Variants in SPECC1 observed in about 807,000 individuals in gnomAD.
SPECC1 encodes cytospin-B.
A neutral mutation model predicts 104.1 loss-of-function variants in SPECC1; 62 were observed. The observed-to-expected ratio is 0.60, with a 90% CI of 0.49 to 0.74. The LOEUF is 0.74. SPECC1 is among the 30% of genes least tolerant of loss of function. The probability of loss-of-function intolerance (pLI) is 0.00; values close to 1 mark genes in which losing one functional copy is unlikely to be tolerated. For missense variants in SPECC1, 1,306 were observed against 1,310.5 expected, an observed-to-expected ratio of 1.00 and a Z score of 0.05; for synonymous variants, 513 against 501.6, an observed-to-expected ratio of 1.02 and a Z score of -0.30.
rs1443646018 is a variant in SPECC1 at position 20,015,802 on chromosome 17, T to A, written c.-22+6378T>A. Among the ~76,000 whole-genome samples, 7 of 150,216 alleles carry A rather than the reference T, an allele frequency of 4.7e-5. No homozygotes were observed. The East Asian group carries it at 7.9e-4, about 17-fold the overall frequency. On this transcript the variant is annotated intron_variant, in intron 1 of 14. Transcript: ENST00000395527. ...GGTTTCACTGTGTTAACCAGGATGA[T>A]CTCGATCTCCTGACCTCGTGATCCG...
chr17:20,285,264 T>C (rs2040904623), intron 12 of SPECC1, among the ~76,000 whole-genome samples: 1 of 152,230 alleles, frequency 6.6e-6, no homozygotes, highest in South Asian at 2.1e-4. Flanking sequence ...CATTCCCCCG[T>C]CTGCAACTTT....
At chr17:20,212,055 T>C (rs1375390071) in intron 4 of SPECC1, among the ~76,000 whole-genome samples, 1 of 152,234 alleles carries the variant, frequency 6.6e-6, no homozygotes, top group African/African-American at 2.4e-5. Context: ...AGCTTGCCTC[T>C]GAGTTCCTAA....
intron 2 of SPECC1, among the ~76,000 whole-genome samples, chr17:20,105,836 G>A (rs1263562750): frequency 1.3e-5 from 2 of 152,166 alleles, no homozygotes; most frequent in African/African-American, 2.4e-5. Flanking sequence ...AAGGGGGCAG[G>A]GCAAGCTCTA....
At chr17:20,110,884 A>G (rs537825709) in intron 3 of SPECC1, among the ~76,000 whole-genome samples, 3 of 152,050 alleles carry the variant, frequency 2.0e-5, no homozygotes, top group African/African-American at 7.2e-5. Context: ...CTGTCTTGAT[A>G]CAGAATGCAT....
intron 3 of SPECC1, chr17:20,156,343 G>A: frequency 6.5e-6 from 8 of 1,226,736 alleles, no homozygotes; most frequent in Non-Finnish European, 8.4e-6. Flanking sequence ...GCGAGCGAAA[G>A]GCTAAGGTCC....
chr17:20,143,408 G>A (rs1482958157), intron 3 of SPECC1, among the ~76,000 whole-genome samples: 1 of 151,112 alleles, frequency 6.6e-6, no homozygotes, highest in Admixed American at 6.6e-5. Flanking sequence ...AAAAGTCCGA[G>A]CGTGGTGGCT....
chr17:20,152,582 T>C (rs946585444), intron 3 of SPECC1, among the ~76,000 whole-genome samples: 1 of 152,216 alleles, frequency 6.6e-6, no homozygotes, highest in Non-Finnish European at 1.5e-5. Flanking sequence ...CTTCTTGGCT[T>C]ATACATGCCA....
At chr17:20,032,747 T>C (rs1046643308) in intron 1 of SPECC1, among the ~76,000 whole-genome samples, 1 of 152,198 alleles carries the variant, frequency 6.6e-6, no homozygotes, top group Non-Finnish European at 1.5e-5. Context: ...CTCCAAAGTC[T>C]TTTTCTGTTA....
intron 3 of SPECC1, among the ~76,000 whole-genome samples, chr17:20,122,276 T>C (rs527326041): frequency 2.6e-5 from 4 of 152,204 alleles, no homozygotes; most frequent in Non-Finnish European, 5.9e-5. Flanking sequence ...AGCAGTGATA[T>C]GACCCAACCT....
At chr17:20,218,072 G>A (rs574140693) in intron 4 of SPECC1, among the ~76,000 whole-genome samples, 2 of 152,318 alleles carry the variant, frequency 1.3e-5, no homozygotes, top group African/African-American at 4.8e-5. Context: ...GTCAGCTTCT[G>A]TTTAATAAAG....
intron 3 of SPECC1, among the ~76,000 whole-genome samples, chr17:20,152,538 A>T: frequency 6.6e-6 from 1 of 152,244 alleles, no homozygotes; most frequent in East Asian, 1.9e-4. Context: ...GCCTGAGTTC[A>T]GAGTGCCAGC....
intron 1 of SPECC1, among the ~76,000 whole-genome samples, chr17:20,077,761 C>G (rs945877456): frequency 7.2e-5 from 11 of 152,126 alleles, no homozygotes; most frequent in Non-Finnish European, 1.0e-4. Flanking sequence ...GCCACCGCAC[C>G]TAGCCTGTTG....
In SPECC1 at chr17:20,051,062, C is replaced by CTTTCTT. The variant is rs1448512506; in HGVS notation, c.-22+41646_-22+41651dup. Among the ~76,000 whole-genome samples, 621 of 125,692 alleles carry CTTTCTT rather than the reference C, an allele frequency of 4.9e-3. 31 individuals are homozygous for CTTTCTT. Among genetic ancestry groups the CTTTCTT allele is most frequent in the Middle Eastern group, 0.023 (5 of 214 alleles). The allele number at this position is 125,692 out of a possible 152,430, so 82.5% of individuals were successfully genotyped here. On this transcript the variant is annotated intron_variant, in intron 1 of 14. Transcript: ENST00000395527. Reference sequence around the variant, plus strand: ...TAAGCACTTGGTTCTTTCTTTCTTTCTTTCTTTTTCTTTCTTTCTTTCTTT... The same window carrying CTTTCTT: ...TAAGCACTTGGTTCTTTCTTTCTTTCTTTCTTTTTCTTTTTCTTTCTTTCTTTCTTT...
chr17:20,031,456 A>G (rs1199067356), intron 1 of SPECC1, among the ~76,000 whole-genome samples: 1 of 152,098 alleles, frequency 6.6e-6, no homozygotes, highest in Non-Finnish European at 1.5e-5. Context: ...AGTAGCTGGG[A>G]TTACAGGTGC....
Position 20,205,536 on chromosome 17 carries a change from G to T in SPECC1, c.1487G>T (p.Arg496Leu). ...CAGCAGCAGTTGACCTGTAGCTTGC[G>T]GAAGGTTGAGGAAGAAAACCAAGGA... ...NIQQQLTCSL[R>L]KVEEENQGAL... is the part of the protein sequence containing the mutation. Residue 496 changes from arginine (R) to leucine (L), a missense_variant, in exon 4 of 15, where the codon CGG becomes CTG. Arg to Leu is a moderately radical substitution (Grantham distance 102). Transcript: ENST00000395527. 6.2e-7 allele frequency: 1 copy of T among 1,614,034 alleles called. No individual in the cohort carries two copies. The highest frequency in any genetic ancestry group is 8.5e-7 in the Non-Finnish European group (1 of 1,180,010).
chr17:20,277,695 C>G (rs533034399), intron 12 of SPECC1, among the ~76,000 whole-genome samples: 1 of 152,318 alleles, frequency 6.6e-6, no homozygotes, highest in Non-Finnish European at 1.5e-5. Context: ...TTCATCATCC[C>G]AAACTGAGCT....
rs1274701392 is a variant in SPECC1, at chr17:20,314,240, A to G, written c.*175A>G. 9 of 621,766 alleles carry G rather than the reference A, an allele frequency of 1.4e-5. No individual in the cohort carries two copies. Among genetic ancestry groups the G allele is most frequent in the Non-Finnish European group, 2.3e-5 (8 of 345,408 alleles). 38.5% of individuals were successfully genotyped at this position (621,766 alleles called of 1,614,324 possible). A position where few individuals can be genotyped will look rare whatever the true frequency, so the allele number is the denominator to read the frequency against. ...AGAAACAGAGTGGGTCCCACGATGT[A>G]CCTGTCTGAAATGCAAATGCAGCTG... On this transcript the variant is annotated 3_prime_UTR_variant, in exon 15 of 15. Transcript: ENST00000395527.
At chr17:20,196,948 A>G (rs1366888862) in intron 3 of SPECC1, among the ~76,000 whole-genome samples, 1 of 152,208 alleles carries the variant, frequency 6.6e-6, no homozygotes, top group African/African-American at 2.4e-5. Context: ...AAGGCATTAC[A>G]GTTTTTGTTT....
At chr17:20,130,412 G>A (rs974684863) in intron 3 of SPECC1, among the ~76,000 whole-genome samples, 2 of 152,298 alleles carry the variant, frequency 1.3e-5, no homozygotes, top group African/African-American at 2.4e-5. Context: ...GTGCACACTT[G>A]TGGTCCCAGC....
Sources: gnomAD v4.1 joint callset for allele counts (sites outside exome capture counted in the v4.1 genomes callset) on GRCh38, gnomAD v4.1.1 for gene constraint, MANE v1.5 for transcripts, NCBI Gene and HGNC (gene_info 2026-07-23, HGNC 2026-07-21) for gene names.